The following PDGFRL variants were observed in gnomAD, a reference collection of about 807,000 sequenced individuals.
The protein encoded by PDGFRL is platelet derived growth factor receptor like, also known as platelet-derived growth factor receptor-like protein.
PDGFRL carries 46 observed loss-of-function variants against 37.2 expected under a neutral mutation model. The observed-to-expected ratio is 1.24, with a 90% CI of 0.98 to 1.58. PDGFRL has a LOEUF of 1.58. Ranked by LOEUF, PDGFRL falls within the 40% of genes most tolerant of loss-of-function variation. The probability of loss-of-function intolerance (pLI) is 0.00; values close to 1 mark genes in which losing one functional copy is unlikely to be tolerated. For missense variants in PDGFRL, 692 were observed against 467.6 expected (o/e 1.48, Z -4.43); for synonymous variants, 251 against 184.3 (o/e 1.36, Z -2.93).
intron 2 of PDGFRL, among the ~76,000 whole-genome samples, chr8:17,620,498 T>A (rs1280889075): frequency 6.6e-6 from 1 of 152,212 alleles, no homozygotes; most frequent in Admixed American, 6.5e-5. Flanking sequence ...CTTACGTTAA[T>A]GTGGTACATT....
Position 17,621,182 on chromosome 8 carries a change from C to A in PDGFRL, c.485C>A (p.Ser162Tyr). ...AGGAAGGACGAGGCCAAAACGGGCT[C>A]CACCTACATCTTTTTTACAGGTAAA... ...ICRKDEAKTG[S>Y]TYIFFTEKGE... Residue 162 changes from serine to tyrosine, a missense_variant, in exon 3 of 6, where the codon TCC becomes TAC. Transcript: ENST00000251630. The A allele has an allele frequency of 6.2e-7, 1 of 1,608,412 alleles. No individual in the cohort carries two copies. Among genetic ancestry groups the A allele is most frequent in the South Asian group, 1.1e-5 (1 of 90,412 alleles).
chr8:17,603,827 GAGGA>G (rs1804215150), intron 2 of PDGFRL, among the ~76,000 whole-genome samples: 1 of 152,174 alleles, frequency 6.6e-6, no homozygotes, highest in South Asian at 2.1e-4. Flanking sequence ...TGCTGTCAAG[GAGGA>G]GGAAACTCAA....
In PDGFRL at chr8:17,634,136, G is replaced by C; in HGVS notation, c.862G>C (p.Asp288His). Residue 288 changes from aspartate to histidine, a missense_variant, in exon 5 of 6, where the codon GAC becomes CAC. Asp to His is a moderately conservative substitution (Grantham distance 81). Transcript: ENST00000251630. ...ASSNKVKSGD[D>H]ISVLCTVLGE... ...TTCAAACAAAGTGAAAAGTGGGGAC[G>C]ACATCAGTGTGCTCTGCACTGTCCT... The C allele has an allele frequency of 1.2e-6, 2 of 1,613,086 alleles. No individual in the cohort carries two copies. Among genetic ancestry groups the C allele is most frequent in the Non-Finnish European group, 1.7e-6 (2 of 1,179,038 alleles).
At chr8:17,638,620 C>G (rs1225144977) in intron 5 of PDGFRL, among the ~76,000 whole-genome samples, 1 of 150,762 alleles carries the variant, frequency 6.6e-6, no homozygotes, top group Non-Finnish European at 1.5e-5. Context: ...TCTTGATTAC[C>G]TATCTATTGC....
chr8:17,577,546 C>A (rs1031882505), intron 1 of PDGFRL, among the ~76,000 whole-genome samples: 3 of 151,836 alleles, frequency 2.0e-5, no homozygotes, highest in African/African-American at 7.3e-5. Context: ...CCTTAGGAGC[C>A]CACCAGGACC....
intron 2 of PDGFRL, among the ~76,000 whole-genome samples, chr8:17,590,868 C>CATT (rs993350978): frequency 2.2e-5 from 3 of 134,978 alleles, no homozygotes; most frequent in African/African-American, 5.3e-5. Flanking sequence ...AACTGCTTCT[C>CATT]ATTATTATTA....
intron 2 of PDGFRL, among the ~76,000 whole-genome samples, chr8:17,594,618 G>GAA (rs199617119): frequency 0.014 from 2,162 of 151,306 alleles, 54 homozygotes; most frequent in African/African-American, 0.049. Context: ...GCAGTGGTGC[G>GAA]ATCTCAGCTC....
chr8:17,613,983 T>C (rs934429149), intron 2 of PDGFRL, among the ~76,000 whole-genome samples: 2 of 152,204 alleles, frequency 1.3e-5, no homozygotes, highest in African/African-American at 4.8e-5. Flanking sequence ...GGTGGAAATA[T>C]TGTATCACAT....
At chr8:17,577,578 G>T (rs374355165) in intron 1 of PDGFRL, among the ~76,000 whole-genome samples, 30 of 151,716 alleles carry the variant, frequency 2.0e-4, no homozygotes, top group East Asian at 1.4e-3. Context: ...CCATCTCCGG[G>T]CGAACCAAGC....
intron 3 of PDGFRL, among the ~76,000 whole-genome samples, chr8:17,627,463 G>A (rs1198510207): frequency 8.7e-6 from 1 of 115,232 alleles, no homozygotes; most frequent in East Asian, 2.9e-4. Flanking sequence ...GGAAGCTACC[G>A]ATTGCAATTT....
rs570082110 is a variant in PDGFRL at position 17,577,565 on chromosome 8, T to A, written c.55+258T>A. On this transcript the variant is annotated intron_variant, in intron 1 of 5. Transcript: ENST00000251630. ...AGGAGCCCACCAGGACCTCTCCAAG[T>A]CCCCATCTCCGGGCGAACCAAGCAT... Among the ~76,000 whole-genome samples the A allele has an allele frequency of 1.2e-4, 18 of 151,582 alleles. No homozygotes were observed. The South Asian group carries it at 2.9e-3, about 25-fold the overall frequency.
intron 2 of PDGFRL, among the ~76,000 whole-genome samples, chr8:17,593,155 A>G (rs1446805073): frequency 6.6e-6 from 1 of 152,174 alleles, no homozygotes; most frequent in East Asian, 1.9e-4. Context: ...GAGAAAGTGA[A>G]TCCGTTCTTC....
rs1408688059 is a variant in PDGFRL, at chr8:17,642,730, G to T, written c.1057G>T (p.Gly353Ter). Reference sequence around the variant, plus strand: ...GGAAGACTTTGAGACGATTGATGCAGGATATTACATTTGCACTGCTCAGAA... The same window carrying T: ...GGAAGACTTTGAGACGATTGATGCATGATATTACATTTGCACTGCTCAGAA... ...TVEDFETIDA[G>*]YYICTAQNLQ... Residue 353 changes from glycine (G) to a stop codon, truncating the protein, a stop_gained, in exon 6 of 6, where the codon GGA becomes TGA. Coordinates refer to ENST00000251630, the MANE Select transcript of PDGFRL (RefSeq NM_001372073.1). LOFTEE classifies it high-confidence loss of function. The T allele has an allele frequency of 6.2e-7, 1 of 1,607,448 alleles. No individual in the cohort carries two copies. Among genetic ancestry groups the T allele is most frequent in the Non-Finnish European group, 8.5e-7 (1 of 1,173,938 alleles).
chr8:17,594,006 A>T (rs138740145), intron 2 of PDGFRL, among the ~76,000 whole-genome samples: 5 of 152,088 alleles, frequency 3.3e-5, no homozygotes, highest in South Asian at 2.1e-4. Flanking sequence ...GGCCGAAACT[A>T]TGTGCCCACT....
intron 2 of PDGFRL, among the ~76,000 whole-genome samples, chr8:17,615,242 C>G (rs796590768): frequency 2.6e-5 from 4 of 152,192 alleles, no homozygotes; most frequent in African/African-American, 9.6e-5. Flanking sequence ...AAACAGTGTA[C>G]CGTTTCTACT....
chr8:17,583,122 G>C (rs1490560192), intron 1 of PDGFRL, among the ~76,000 whole-genome samples: 1 of 152,178 alleles, frequency 6.6e-6, no homozygotes, highest in African/African-American at 2.4e-5. Flanking sequence ...ATGCAAGAGT[G>C]ATGGAGGCTT....
At chr8:17,616,345 C>T (rs1804527847) in intron 2 of PDGFRL, among the ~76,000 whole-genome samples, 5 of 152,082 alleles carry the variant, frequency 3.3e-5, no homozygotes, top group Admixed American at 3.3e-4. Flanking sequence ...CAGGCATGCA[C>T]CACCGCGCCC....
At chr8:17,583,225 A>C (rs555170473) in intron 1 of PDGFRL, among the ~76,000 whole-genome samples, 146 of 152,244 alleles carry the variant, frequency 9.6e-4, no homozygotes, top group Non-Finnish European at 1.5e-3. Flanking sequence ...GAGAGTCCCT[A>C]CCAGGGCACT....
chr8:17,600,961 G>A (rs1804154834), intron 2 of PDGFRL, among the ~76,000 whole-genome samples: 1 of 152,056 alleles, frequency 6.6e-6, no homozygotes, highest in Admixed American at 6.5e-5. Context: ...CAGCCTGGGA[G>A]ACAGAGCAAG....
Sources: gnomAD v4.1 joint callset for allele counts (sites outside exome capture counted in the v4.1 genomes callset) on GRCh38, gnomAD v4.1.1 for gene constraint, MANE v1.5 for transcripts, NCBI Gene and HGNC (gene_info 2026-07-23, HGNC 2026-07-21) for gene names.